UPB1: variants seen among roughly 807,000 people sequenced by gnomAD.
The protein encoded by UPB1 is beta-ureidopropionase.
Under a neutral mutation model 49.1 loss-of-function variants are expected in UPB1, and 40 were observed. That is an observed-to-expected ratio of 0.81 (90% confidence interval 0.63 to 1.06). The LOEUF is 1.06. Ranked by LOEUF, UPB1 falls within the 50% of genes least tolerant of loss-of-function variation. UPB1 has a pLI of 0.00. For synonymous variants in UPB1, 207 were observed against 198.2 expected (o/e 1.04, Z -0.38); for missense variants, 499 against 505.9 (o/e 0.99, Z 0.13).
chr22:24,501,972 G>A (rs2044000806), intron 2 of UPB1, among the ~76,000 whole-genome samples, 154 bp from the exon 3 acceptor site: 1 of 152,136 alleles, frequency 6.6e-6, no homozygotes, highest in Non-Finnish European at 1.5e-5. Context: ...TGCAGATTTT[G>A]GACATCAGGA....
chr22:24,522,322 A>AG (rs1255211095), intron 8 of UPB1, among the ~76,000 whole-genome samples: 1 of 152,114 alleles, frequency 6.6e-6, no homozygotes, highest in Non-Finnish European at 1.5e-5. Flanking sequence ...GCTCTCTGAA[A>AG]GGGAGAGGTG....
intron 9 of UPB1, among the ~76,000 whole-genome samples, chr22:24,524,751 A>C (rs965953311): frequency 6.6e-6 from 1 of 152,182 alleles, no homozygotes; most frequent in Non-Finnish European, 1.5e-5. Context: ...CGGGCTCCCA[A>C]AATACCAGGA....
chr22:24,513,386 G>A lies in UPB1; in HGVS notation c.522G>A (p.Gly174=), dbSNP rs367553466. The A allele has an allele frequency of 6.2e-7, 1 of 1,614,190 alleles. No homozygotes were observed. The highest frequency in any genetic ancestry group is 8.5e-7 in the Non-Finnish European group (1 of 1,180,038). The part of the protein sequence containing the change: ...SPILERDSEH[G]DVLWNTAVVI... Reference sequence around the variant, plus strand: ...TCCTGGAACGAGACAGCGAGCATGGGGATGTTTTGTGGAATACAGCCGTGG... The same window carrying A: ...TCCTGGAACGAGACAGCGAGCATGGAGATGTTTTGTGGAATACAGCCGTGG... The change falls in exon 5 of 10, where the codon GGG becomes GGA. Residue 174 remains glycine, a synonymous_variant. Transcript: ENST00000326010.
At chr22:24,511,869 C>T (rs914478785) in intron 4 of UPB1, among the ~76,000 whole-genome samples, 2 of 152,082 alleles carry the variant, frequency 1.3e-5, no homozygotes, top group Admixed American at 1.3e-4. Flanking sequence ...GCCACCTCGG[C>T]CTCCCAAAGT....
chr22:24,510,995 C>CTT (rs140325), intron 4 of UPB1, 152 bp downstream of exon 4: 201 of 662,306 alleles, frequency 3.0e-4, no homozygotes, highest in African/African-American at 2.4e-3. Context: ...CTATCTGCCA[C>CTT]TTTTTTTTTT....
At chr22:24,521,179 CAAA>C (rs34276962) in intron 7 of UPB1, among the ~76,000 whole-genome samples, 89 of 62,652 alleles carry the variant, frequency 1.4e-3, no homozygotes, top group African/African-American at 5.1e-3. Context: ...GAGACTCTGT[CAAA>C]AAAAAAAAAA....
intron 5 of UPB1, among the ~76,000 whole-genome samples, chr22:24,514,648 G>A (rs1013715857): frequency 1.3e-5 from 2 of 152,202 alleles, no homozygotes; most frequent in African/African-American, 4.8e-5. Context: ...GCCCCACAGG[G>A]ACCTCCTTAA....
At chr22:24,496,040 T>C (rs1348418846) in intron 1 of UPB1, among the ~76,000 whole-genome samples, 1 of 152,136 alleles carries the variant, frequency 6.6e-6, no homozygotes, top group African/African-American at 2.4e-5. Flanking sequence ...CAGGACTTTC[T>C]GAGGGCTGTA....
chr22:24,527,312 C>A lies in UPB1; in HGVS notation c.*1518C>A, dbSNP rs1227349243. 6.6e-6 allele frequency: 1 copy of A among 152,012 alleles called. No homozygotes were observed. The highest frequency in any genetic ancestry group is 1.5e-5 in the Non-Finnish European group (1 of 68,068). The allele number at this position is 152,012 out of a possible 1,614,324, so 9.4% of individuals were successfully genotyped here. A position where few individuals can be genotyped will look rare whatever the true frequency, so the allele number is the denominator to read the frequency against. The stretch of plus-strand genomic sequence containing the variant: ...CAAAGGCTGCAGTGAGCTGAGATCA[C>A]GCCACTGTGCTCCAGCCTGGACAAC... On this transcript the variant is annotated 3_prime_UTR_variant, in exon 10 of 10. Transcript: ENST00000326010.
At chr22:24,519,538 A>T (rs1350238966) in intron 6 of UPB1, among the ~76,000 whole-genome samples, 2 of 152,082 alleles carry the variant, frequency 1.3e-5, no homozygotes, top group Admixed American at 1.3e-4. Flanking sequence ...GCAGGTGCTG[A>T]AGTGAGGAAG....
intron 3 of UPB1, among the ~76,000 whole-genome samples, chr22:24,509,414 G>A (rs750349318): frequency 1.7e-4 from 22 of 129,776 alleles, no homozygotes; most frequent in Non-Finnish European, 3.2e-4. Context: ...CCAATGAGTC[G>A]AATGAAATTT....
intron 1 of UPB1, 28 bp downstream of exon 1, chr22:24,495,535 G>C: frequency 6.2e-7 from 1 of 1,611,760 alleles, no homozygotes; most frequent in Non-Finnish European, 8.5e-7. Context: ...TAAGCTAATG[G>C]GGTCTTGGGG....
chr22:24,524,857 G>A lies in UPB1; in HGVS notation c.1072-854G>A, dbSNP rs548739946. 1.1e-4 allele frequency among the ~76,000 whole-genome samples: 17 copies of A among 152,248 alleles called. 1 individual carries two copies. The South Asian group carries it at 3.5e-3, about 32-fold the overall frequency. Reference sequence around the variant, plus strand: ...TGTTATAACTGACTTTGCCCGGTGTGACTAAAAGACCACCAGGGCCTCTAA... The same window carrying A: ...TGTTATAACTGACTTTGCCCGGTGTAACTAAAAGACCACCAGGGCCTCTAA... On this transcript the variant is annotated intron_variant, in intron 9 of 9. Transcript: ENST00000326010.
chr22:24,525,694 C>T lies in UPB1; in HGVS notation c.1072-17C>T. On this transcript the variant is annotated splice_polypyrimidine_tract_variant and intron_variant, in intron 9 of 9. Coordinates refer to ENST00000326010, the MANE Select transcript of UPB1 (RefSeq NM_016327.3). ...TAAAACCAGAACCTCTAAAGTACAT[C>T]TGTGTTTTGCTTTCAGATGACGGGC... The T allele has an allele frequency of 6.2e-7, 1 of 1,614,072 alleles. No individual in the cohort carries two copies. Among genetic ancestry groups the T allele is most frequent in the Non-Finnish European group, 8.5e-7 (1 of 1,179,968 alleles).
intron 4 of UPB1, among the ~76,000 whole-genome samples, chr22:24,511,738 G>A (rs1009446576): frequency 6.7e-6 from 1 of 149,996 alleles, no homozygotes; most frequent in Non-Finnish European, 1.5e-5. Flanking sequence ...CTCAGCCTCC[G>A]GAGTAGCTGG....
At position 24,521,260 on chromosome 22, in the gene UPB1, T is replaced by G. The variant is rs552585846; in HGVS notation, c.874-726T>G. 2.7e-5 allele frequency among the ~76,000 whole-genome samples: 4 copies of G among 148,650 alleles called. No homozygotes were observed. In the South Asian group the frequency reaches 8.6e-4, roughly 32 times the overall value. ...ACTTTGGGAGACCGAGTCGGGTAGATCACCTGAAGTCAGGAGTTCCAGACC... is the reference window on the plus strand; with the variant it reads ...ACTTTGGGAGACCGAGTCGGGTAGAGCACCTGAAGTCAGGAGTTCCAGACC... On this transcript the variant is annotated intron_variant, in intron 7 of 9. Coordinates refer to ENST00000326010, the MANE Select transcript of UPB1 (RefSeq NM_016327.3).
At position 24,502,312 on chromosome 22, in the gene UPB1, C is replaced by T. The variant is rs540184808; in HGVS notation, c.364+99C>T. ...CTGCTGCCTGACTTTTAAAGAATCT[C>T]CTTTGTTTCCTCATCCATGGAAAGT... On this transcript the variant is annotated intron_variant, in intron 3 of 9. Coordinates refer to ENST00000326010, the MANE Select transcript of UPB1 (RefSeq NM_016327.3). 1.0e-4 allele frequency: 128 copies of T among 1,285,574 alleles called. 1 individual carries two copies. In the Middle Eastern group the frequency reaches 2.4e-3, roughly 24 times the overall value. The allele number at this position is 1,285,574 out of a possible 1,614,324, so 79.6% of individuals were successfully genotyped here.
chr22:24,517,507 G>C (rs766181254), intron 6 of UPB1, among the ~76,000 whole-genome samples: 2 of 152,214 alleles, frequency 1.3e-5, no homozygotes, highest in Admixed American at 6.5e-5. Context: ...TGGCTTCTGG[G>C]CCAGGGCAGA....
chr22:24,506,445 C>G (rs1289494200), intron 3 of UPB1, among the ~76,000 whole-genome samples: 1 of 152,236 alleles, frequency 6.6e-6, no homozygotes, highest in East Asian at 1.9e-4. Context: ...ATCTTCTCTA[C>G]TGCTAGCGGG....
Sources: gnomAD v4.1 joint callset for allele counts (sites outside exome capture counted in the v4.1 genomes callset) on GRCh38, gnomAD v4.1.1 for gene constraint, MANE v1.5 for transcripts, NCBI Gene and HGNC (gene_info 2026-07-23, HGNC 2026-07-21) for gene names.